PSME4: variants seen among roughly 807,000 people sequenced by gnomAD.
The protein encoded by PSME4 is proteasome activator complex subunit 4.
Under a neutral mutation model 253.9 loss-of-function variants are expected in PSME4, and 89 were observed. The observed-to-expected ratio is 0.35, with a 90% CI of 0.30 to 0.42. The LOEUF is 0.42. Among genes scored for constraint, PSME4 ranks in the 10% least tolerant of loss-of-function variants. The pLI, the probability that PSME4 is intolerant of heterozygous loss-of-function variation, is 1.00. For synonymous variants in PSME4, 851 were observed against 759.2 expected, an observed-to-expected ratio of 1.12 and a Z score of -1.99; for missense variants, 2,014 against 2,195.2, an observed-to-expected ratio of 0.92 and a Z score of 1.65.
intron 18 of PSME4, 145 bp from the exon 19 acceptor site, chr2:53,920,495 A>G: frequency 1.2e-6 from 1 of 846,244 alleles, no homozygotes; most frequent in Non-Finnish European, 1.7e-6. Context: ...ACAAAAAAGT[A>G]GCATGAAAAC....
intron 4 of PSME4, among the ~76,000 whole-genome samples, chr2:53,937,861 C>T (rs1280751836): frequency 1.3e-5 from 2 of 151,956 alleles, no homozygotes; most frequent in East Asian, 1.9e-4. Flanking sequence ...ATGATGGCGG[C>T]GCACATCTGT....
chr2:53,935,544 T>C (rs1388779857), intron 7 of PSME4, among the ~76,000 whole-genome samples: 1 of 152,094 alleles, frequency 6.6e-6, no homozygotes, highest in African/African-American at 2.4e-5. Flanking sequence ...TCTAAGAAAA[T>C]ATATACTGTG....
At chr2:53,951,329 G>A (rs1362370808) in intron 1 of PSME4, among the ~76,000 whole-genome samples, 14 of 152,328 alleles carry the variant, frequency 9.2e-5, no homozygotes, top group South Asian at 2.1e-4. Context: ...GATCCCCCCT[G>A]CCTTGGCCTC....
chr2:53,892,888 A>T lies in PSME4; in HGVS notation c.4111T>A (p.Ser1371Thr), dbSNP rs805408. The change falls in exon 36 of 47, where the codon TCA becomes ACA. Residue 1371 changes from serine (S) to threonine (T), a missense_variant. Transcript: ENST00000404125. ...KPHLEHLVAD[S>T]HESTQRCVAE... ...ACACATCGCTGGGTGCTTTCATGTG[A>T]ATCTGCAACCAAATGTTCTAAATGG... 493,010 of 1,612,804 alleles carry T rather than the reference A, an allele frequency of 0.31. 77,625 individuals carry two copies. The highest frequency in any genetic ancestry group is 0.45 in the South Asian group (41,302 of 90,906).
chr2:53,924,245 G>C (rs981673701), intron 14 of PSME4, among the ~76,000 whole-genome samples: 2 of 152,032 alleles, frequency 1.3e-5, no homozygotes, highest in Non-Finnish European at 2.9e-5. Context: ...AACTCTTTTT[G>C]GTTAAATAAG....
intron 1 of PSME4, among the ~76,000 whole-genome samples, chr2:53,958,316 G>A (rs1302089960): frequency 4.6e-5 from 7 of 151,388 alleles, no homozygotes; most frequent in South Asian, 4.2e-4. Flanking sequence ...AGATAGCACC[G>A]CTACACTCCA....
chr2:53,868,943 CCT>C (rs1474019161), intron 44 of PSME4, among the ~76,000 whole-genome samples: 1 of 151,878 alleles, frequency 6.6e-6, no homozygotes, highest in African/African-American at 2.4e-5. Flanking sequence ...GACTCCGCAC[CCT>C]CTCACCAAAG....
Position 53,967,649 on chromosome 2 carries a change from C to CAAAAAAAAAAAAAAAAAAA in PSME4, c.242+2875_242+2893dup, listed in dbSNP as rs71408747. On this transcript the variant is annotated intron_variant, in intron 1 of 46. Transcript: ENST00000404125. ...TCTGGGCAACAGAGTGAGATTGTCTCAAAAAAAAAAAAAAAAAAAAAAAAA... is the reference window on the plus strand; with the variant it reads ...TCTGGGCAACAGAGTGAGATTGTCTCAAAAAAAAAAAAAAAAAAAAAAAAAAAAAAAAAAAAAAAAAAAA... Among the ~76,000 whole-genome samples, 30 of 21,558 alleles carry CAAAAAAAAAAAAAAAAAAA rather than the reference C, an allele frequency of 1.4e-3. 5 individuals carry two copies. The highest frequency in any genetic ancestry group is 1.3e-3 in the African/African-American group (7 of 5,326). The allele number at this position is 21,558 out of a possible 152,430, so 14.1% of individuals were successfully genotyped here.
rs533545828 is a variant in PSME4, at chr2:53,866,232, T to G, written c.5398-9A>C. ...GTTTTTTTTACAGTCATCTGTAAAG[T>G]AGACAACCCACATACGTTTTAACCT... On this transcript the variant is annotated splice_polypyrimidine_tract_variant and intron_variant, in intron 45 of 46. Coordinates refer to ENST00000404125, the MANE Select transcript of PSME4 (RefSeq NM_014614.3). 5.6e-6 allele frequency: 9 copies of G among 1,613,570 alleles called. No individual in the cohort carries two copies. The East Asian group carries it at 6.7e-5, about 12-fold the overall frequency.
intron 1 of PSME4, among the ~76,000 whole-genome samples, chr2:53,962,952 G>A (rs1475770956): frequency 1.3e-5 from 2 of 151,598 alleles, no homozygotes; most frequent in African/African-American, 4.9e-5. Context: ...GGAGGCTGCA[G>A]TGAGCCGAGA....
At chr2:53,963,474 G>C (rs1258599706) in intron 1 of PSME4, among the ~76,000 whole-genome samples, 1 of 152,168 alleles carries the variant, frequency 6.6e-6, no homozygotes, top group Non-Finnish European at 1.5e-5. Flanking sequence ...ATTGATGTCT[G>C]CCTCTACTAC....
intron 3 of PSME4, among the ~76,000 whole-genome samples, chr2:53,940,971 AT>A (rs1286260191): frequency 3.4e-5 from 2 of 59,348 alleles, no homozygotes; most frequent in Non-Finnish European, 7.5e-5. Context: ...ATATATATAT[AT>A]ATATATATAT....
intron 20 of PSME4, among the ~76,000 whole-genome samples, chr2:53,918,568 T>C (rs1558682193): frequency 6.6e-6 from 1 of 152,106 alleles, no homozygotes; most frequent in South Asian, 2.1e-4. Context: ...CTCAAACTCC[T>C]GCACTCAAAA....
intron 20 of PSME4, among the ~76,000 whole-genome samples, chr2:53,911,967 T>C (rs1207733579): frequency 6.6e-6 from 1 of 152,230 alleles, no homozygotes; most frequent in Non-Finnish European, 1.5e-5. Flanking sequence ...ATCAGGGAAT[T>C]TGAAAAATAA....
intron 41 of PSME4, among the ~76,000 whole-genome samples, chr2:53,879,776 T>G (rs993634630): frequency 8.0e-6 from 1 of 125,150 alleles, no homozygotes. Context: ...CACTCCAGCC[T>G]GGGTGACAGA....
At chr2:53,901,810 C>T (rs1396227503) in intron 27 of PSME4, among the ~76,000 whole-genome samples, 1 of 152,194 alleles carries the variant, frequency 6.6e-6, no homozygotes, top group East Asian at 1.9e-4. Flanking sequence ...TGGCTCACGC[C>T]TGTAATTCTT....
intron 16 of PSME4, among the ~76,000 whole-genome samples, 186 bp from the exon 17 acceptor site, chr2:53,922,770 A>C (rs1200634536): frequency 6.6e-6 from 1 of 152,130 alleles, no homozygotes; most frequent in Non-Finnish European, 1.5e-5. Flanking sequence ...TCAAGAAAAT[A>C]AACACACCAA....
At chr2:53,898,440 T>G (rs760444981) in intron 29 of PSME4, 86 bp from the exon 30 acceptor site, 79 of 1,066,112 alleles carry the variant, frequency 7.4e-5, no homozygotes, top group Non-Finnish European at 1.0e-4. Context: ...CTAGCCAATT[T>G]CACCCTCCTT....
chr2:53,870,945 T>C (rs1372182910), intron 43 of PSME4: 2 of 151,906 alleles, frequency 1.3e-5, no homozygotes, highest in Non-Finnish European at 2.9e-5. Context: ...CTGCAGTATA[T>C]TTTCTTAGAA....
Sources: allele counts gnomAD v4.1 joint callset (sites outside exome capture counted in the v4.1 genomes callset), GRCh38; gene constraint gnomAD v4.1.1; transcripts MANE v1.5; gene names NCBI Gene and HGNC (gene_info 2026-07-23, HGNC 2026-07-21).